The following MACF1 variants were observed in gnomAD, a reference collection of about 807,000 sequenced individuals.
MACF1 encodes the protein microtubule actin crosslinking factor 1, also known as microtubule-actin cross-linking factor 1.
MACF1 carries 193 observed loss-of-function variants against 854.8 expected under a neutral mutation model. That is an observed-to-expected ratio of 0.23 (90% CI 0.20 to 0.25). The LOEUF (loss-of-function observed/expected upper bound fraction) is 0.25, where lower values mean the gene tolerates loss of function less well. Among genes scored for constraint, MACF1 ranks in the 10% least tolerant of loss-of-function variants. MACF1 has a pLI of 1.00. For synonymous variants in MACF1, 3,185 were observed against 3,226.7 expected (o/e 0.99, Z 0.44); for missense variants, 7,722 against 8,929.1 (o/e 0.86, Z 5.45).
chr1:39,297,812 T>C (rs1182020178), intron 21 of MACF1, 67 bp downstream of exon 21: 6 of 1,574,120 alleles, frequency 3.8e-6, no homozygotes, highest in South Asian at 1.1e-5. Context: ...GCTGCTGCTG[T>C]TTATATCCTT....
chr1:39,196,629 C>CT (rs1381833011), intron 2 of MACF1, among the ~76,000 whole-genome samples: 1 of 152,176 alleles, frequency 6.6e-6, no homozygotes, highest in Non-Finnish European at 1.5e-5. Context: ...TTTTAAAAGA[C>CT]TTCTCTCTTT....
At position 39,388,090 on chromosome 1, in the gene MACF1, G is replaced by A; in HGVS notation, c.15248G>A (p.Gly5083Glu). ...GGTCTGGTAGAAGATGCCCCAGATG[G>A]ATCTGATGCTTCTCAACTTCTCCAC... is the stretch of plus-strand genomic sequence containing the variant. ...TQGLVEDAPD[G>E]SDASQLLHQA... The change falls in exon 58 of 101, where the codon GGA (glycine) becomes GAA (glutamate). Residue 5083 changes from glycine (G) to glutamate (E), a missense_variant. Gly to Glu is a moderately conservative substitution (Grantham distance 98). Around this residue, in one of 15 missense-constraint regions of MACF1, gnomAD observed 2,807 missense variants for 3,235.8 expected, o/e 0.87. Coordinates refer to ENST00000564288, the MANE Select transcript of MACF1 (RefSeq NM_001394062.1). The A allele has an allele frequency of 3.1e-6, 5 of 1,614,104 alleles. No individual in the cohort carries two copies. The highest frequency in any genetic ancestry group is 4.2e-6 in the Non-Finnish European group (5 of 1,180,024).
intron 92 of MACF1, among the ~76,000 whole-genome samples, chr1:39,461,671 A>G (rs1306845111): frequency 6.6e-6 from 1 of 151,814 alleles, no homozygotes; most frequent in East Asian, 1.9e-4. Context: ...AGGCGCTTGT[A>G]TTCCCAGCTA....
At chr1:39,144,882 G>A (rs1057161054) in intron 2 of MACF1, among the ~76,000 whole-genome samples, 1 of 152,024 alleles carries the variant, frequency 6.6e-6, no homozygotes, top group African/African-American at 2.4e-5. Flanking sequence ...CCCAGAATCT[G>A]GTCACAACCT....
At chr1:39,104,454 A>T (rs2148135031) in intron 2 of MACF1, among the ~76,000 whole-genome samples, 1 of 152,174 alleles carries the variant, frequency 6.6e-6, no homozygotes, top group South Asian at 2.1e-4. Flanking sequence ...TTCTTCCCTG[A>T]CCAGCTATGC....
intron 58 of MACF1, chr1:39,413,151 A>C: frequency 6.2e-7 from 1 of 1,612,946 alleles, no homozygotes; most frequent in Non-Finnish European, 8.5e-7. Context: ...CTATTACAGT[A>C]CCCATCACAG....
chr1:39,334,108 T>C lies in MACF1; in HGVS notation c.7520T>C (p.Ile2507Thr), dbSNP rs1646772428. Residue 2507 changes from isoleucine (I) to threonine (T), a missense_variant, in exon 37 of 101, where the codon ATC becomes ACC. Coordinates refer to ENST00000564288, the MANE Select transcript of MACF1 (RefSeq NM_001394062.1). ...ACTAAGCAAGTGGTAGATGGAGGTA[T>C]CATTCACCATATATCTGGGATGAGA... ...LLTKQVVDGGIIHHISGMRLS... is the reference protein window; with the variant it reads ...LLTKQVVDGGTIHHISGMRLS... 2 of 1,614,178 alleles carry C rather than the reference T, an allele frequency of 1.2e-6. No individual in the cohort carries two copies. The highest frequency in any genetic ancestry group is 1.7e-6 in the Non-Finnish European group (2 of 1,180,016).
chr1:39,242,071 G>A (rs554386151), intron 2 of MACF1, among the ~76,000 whole-genome samples: 23 of 152,322 alleles, frequency 1.5e-4, no homozygotes, highest in African/African-American at 4.1e-4. Context: ...AATGGAGGCC[G>A]GGTGCAGTGC....
Position 39,434,497 on chromosome 1 carries a change from G to T in MACF1, c.17649G>T (p.Gln5883His). ...GTTATGCCCGCCTAGAGCGGGCCCA[G>T]GTCTTAGTAAACCAGTTTTGGGAAA... ...SERYARLERA[Q>H]VLVNQFWETY... Residue 5883 changes from glutamine to histidine, a missense_variant, in exon 69 of 101, where the codon CAG becomes CAT. Transcript: ENST00000564288. The T allele has an allele frequency of 6.2e-7, 1 of 1,613,444 alleles. No homozygotes were observed. The highest frequency in any genetic ancestry group is 8.5e-7 in the Non-Finnish European group (1 of 1,179,956).
At chr1:39,263,927 C>G (rs1345080851) in intron 6 of MACF1, among the ~76,000 whole-genome samples, 2 of 151,794 alleles carry the variant, frequency 1.3e-5, no homozygotes, top group Non-Finnish European at 2.9e-5. Context: ...GCGCCCGCCA[C>G]CACACCCGGC....
Position 39,447,579 on chromosome 1 carries a change from G to C in MACF1, c.19753G>C (p.Glu6585Gln). The C allele has an allele frequency of 1.2e-6, 2 of 1,614,174 alleles. No homozygotes were observed. Among genetic ancestry groups the C allele is most frequent in the Non-Finnish European group, 1.7e-6 (2 of 1,180,024 alleles). Reference sequence around the variant, plus strand: ...AAATACTGTCCTTTCCCAGATAGAAGAGCACAAGGTAAGTATGATATTATG... The same window carrying C: ...AAATACTGTCCTTTCCCAGATAGAACAGCACAAGGTAAGTATGATATTATG... Reference protein sequence around the residue: ...ILNTVLSQIEEHKVFANEVNA... With the variant: ...ILNTVLSQIEQHKVFANEVNA... Residue 6585 changes from glutamate (E) to glutamine (Q), a missense_variant, in exon 81 of 101, where the codon GAG becomes CAG. Glu to Gln is a conservative substitution (Grantham distance 29). Around this residue, in one of 15 missense-constraint regions of MACF1, gnomAD observed 729 missense variants for 900.5 expected, o/e 0.81. Coordinates refer to ENST00000564288, the MANE Select transcript of MACF1 (RefSeq NM_001394062.1).
At chr1:39,289,338 A>G (rs573318322) in intron 15 of MACF1, among the ~76,000 whole-genome samples, 63 of 152,304 alleles carry the variant, frequency 4.1e-4, no homozygotes, top group Admixed American at 7.2e-4. Context: ...TGGTTGTACT[A>G]ATTTACATTC....
chr1:39,239,727 G>A (rs1201535007), intron 2 of MACF1, among the ~76,000 whole-genome samples: 1 of 152,168 alleles, frequency 6.6e-6, no homozygotes, highest in East Asian at 1.9e-4. Context: ...GACTTCACAG[G>A]TTAGTAGTTA....
In MACF1 at chr1:39,424,092, G is replaced by C; in HGVS notation, c.16214G>C (p.Arg5405Thr). ...TVDMLQAEGG[R>T]IAQSAELADR... ...GACATGCTTCAAGCAGAAGGAGGCA[G>C]AATAGCCCAGTCAGCAGAGCTGGCT... Residue 5405 changes from arginine (R) to threonine (T), a missense_variant, in exon 61 of 101, where the codon AGA (arginine) becomes ACA (threonine). Around this residue, in one of 15 missense-constraint regions of MACF1, gnomAD observed 2,807 missense variants for 3,235.8 expected, o/e 0.87. Transcript: ENST00000564288. 1 of 1,612,768 alleles carries C rather than the reference G, an allele frequency of 6.2e-7. No homozygotes were observed. Among genetic ancestry groups the C allele is most frequent in the South Asian group, 1.1e-5 (1 of 90,964 alleles).
chr1:39,282,358 C>A lies in MACF1; in HGVS notation c.679C>A (p.Leu227Ile), dbSNP rs547146249. The A allele has an allele frequency of 2.5e-6, 4 of 1,613,978 alleles. No homozygotes were observed. Among genetic ancestry groups the A allele is most frequent in the Admixed American group, 3.3e-5 (2 of 60,020 alleles). ...CWSDGKMFNA[L>I]IHRYRPDLVD... ...GAGTGATGGGAAGATGTTCAATGCA[C>A]TCATTCACCGATACCGGTAAGAACA... The change falls in exon 7 of 101, where the codon CTC (leucine) becomes ATC (isoleucine). Residue 227 changes from leucine to isoleucine, a missense_variant. Physicochemically the swap from Leu to Ile is conservative, Grantham distance 5. Around this residue, in one of 15 missense-constraint regions of MACF1, gnomAD observed 108 missense variants for 196.4 expected, o/e 0.55. Coordinates refer to ENST00000564288, the MANE Select transcript of MACF1 (RefSeq NM_001394062.1).
At chr1:39,323,045 C>G in intron 33 of MACF1, 37 bp downstream of exon 33, 2 of 1,582,842 alleles carry the variant, frequency 1.3e-6, no homozygotes, top group Non-Finnish European at 1.7e-6. Context: ...CTTGAAAGTA[C>G]AGTAAAACAT....
At chr1:39,115,849 G>C in intron 2 of MACF1, among the ~76,000 whole-genome samples, 1 of 152,206 alleles carries the variant, frequency 6.6e-6, no homozygotes, top group East Asian at 1.9e-4. Flanking sequence ...CAGGAGAGAA[G>C]TGAGTTTCAA....
Position 39,335,094 on chromosome 1 carries a change from G to A in MACF1, c.8506G>A (p.Ala2836Thr), listed in dbSNP as rs1372018084. 9 of 1,613,762 alleles carry A rather than the reference G, an allele frequency of 5.6e-6. No homozygotes were observed. Among genetic ancestry groups the A allele is most frequent in the African/African-American group, 1.3e-5 (1 of 74,882 alleles). ...VKVRVSDGEQAKKSREISLKE... is the reference protein window; with the variant it reads ...VKVRVSDGEQTKKSREISLKE... ...AGTGAGAGTTTCTGATGGGGAGCAG[G>A]CAAAAAAGAGCAGGGAAATTTCCTT... Residue 2836 changes from alanine to threonine, a missense_variant, in exon 37 of 101, where the codon GCA (alanine) becomes ACA (threonine). Ala to Thr is a moderately conservative substitution (Grantham distance 58). Transcript: ENST00000564288.
chr1:39,487,118 AATAG>A lies in MACF1; in HGVS notation c.*1327_*1330del, dbSNP rs1645109353. On this transcript the variant is annotated 3_prime_UTR_variant, in exon 101 of 101. Transcript: ENST00000564288. The stretch of plus-strand genomic sequence containing the variant: ...TCTTGATGGATAAATTATAGAGCTT[AATAG>A]ATCTTGTTTTATTTCATCCTTGTTA... 1.3e-5 allele frequency: 2 copies of A among 152,392 alleles called. No homozygotes were observed. The highest frequency in any genetic ancestry group is 3.4e-3 in the Middle Eastern group (1 of 294). 9.4% of individuals were successfully genotyped at this position (152,392 alleles called of 1,614,324 possible). A position where few individuals can be genotyped will look rare whatever the true frequency, so the allele number is the denominator to read the frequency against.
Sources: allele counts gnomAD v4.1 joint callset (sites outside exome capture counted in the v4.1 genomes callset), GRCh38; gene constraint gnomAD v4.1.1; regional missense constraint gnomAD v4.1.1; transcripts MANE v1.5; gene names NCBI Gene and HGNC (gene_info 2026-07-23, HGNC 2026-07-21).